Variants in PHIP observed in about 807,000 individuals in gnomAD.
PHIP encodes the protein PHIP subunit of CUL4-Ring ligase complex, also known as PH-interacting protein.
A neutral mutation model predicts 236.8 loss-of-function variants in PHIP; 54 were observed. That is an observed-to-expected ratio of 0.23 (90% CI 0.18 to 0.29). The LOEUF (loss-of-function observed/expected upper bound fraction) is 0.29. PHIP is among the 10% of genes least tolerant of loss of function. PHIP has a pLI of 1.00. For missense variants in PHIP, 1,370 were observed against 2,190.8 expected (o/e 0.63, Z 7.48); for synonymous variants, 756 against 718.9 (o/e 1.05, Z -0.83).
intron 38 of PHIP, 166 bp from the exon 39 acceptor site, chr6:78,945,663 G>C (rs1582081079): frequency 6.3e-6 from 4 of 634,536 alleles, no homozygotes; most frequent in East Asian, 2.8e-5. Flanking sequence ...TATCCAACTA[G>C]AAACTCTTAA....
rs144114413 is a variant in PHIP at position 79,076,695 on chromosome 6, C to T, written c.189+753G>A. Among the ~76,000 whole-genome samples, 844 of 152,244 alleles carry T rather than the reference C, an allele frequency of 5.5e-3. 6 individuals carry two copies. The highest frequency in any genetic ancestry group is 0.02 in the African/African-American group (820 of 41,540). ...GTAAATATGTGGACAAAAATCAAAA[C>T]TCTTCAGTGTACTCCAATAATAATT... On this transcript the variant is annotated intron_variant, in intron 4 of 39. Coordinates refer to ENST00000275034, the MANE Select transcript of PHIP (RefSeq NM_017934.7).
At chr6:79,008,090 A>G (rs1054953147) in intron 15 of PHIP, among the ~76,000 whole-genome samples, 10 of 151,658 alleles carry the variant, frequency 6.6e-5, no homozygotes, top group African/African-American at 2.4e-4. Context: ...CGGGAGGCGG[A>G]GGTTGCAGTG....
chr6:78,986,687 C>A (rs982670729), intron 21 of PHIP, among the ~76,000 whole-genome samples: 3 of 152,006 alleles, frequency 2.0e-5, no homozygotes, highest in Non-Finnish European at 4.4e-5. Context: ...GGGGTGGATT[C>A]TTTTAATATT....
intron 33 of PHIP, 58 bp downstream of exon 33, chr6:78,955,555 T>G: frequency 1.6e-6 from 1 of 638,446 alleles, no homozygotes; most frequent in Non-Finnish European, 2.8e-6. Flanking sequence ...AACTACAATA[T>G]GTAAATTTTT....
rs1890230 is a variant in PHIP at position 78,985,607 on chromosome 6, A to G, written c.2461-179T>C. ...TGTAATCCCAACACTTTGAGAGGTC[A>G]AGGTGGGCAGATCACTTAAGGTTAG... On this transcript the variant is annotated intron_variant, in intron 21 of 39. Coordinates refer to ENST00000275034, the MANE Select transcript of PHIP (RefSeq NM_017934.7). 0.93 allele frequency among the ~76,000 whole-genome samples: 140,912 copies of G among 152,250 alleles called. 65,312 individuals are homozygous for G. The highest frequency in any genetic ancestry group is 1 in the East Asian group (5,152 of 5,176).
At chr6:79,055,567 C>T (rs1327550827) in intron 6 of PHIP, among the ~76,000 whole-genome samples, 1 of 152,136 alleles carries the variant, frequency 6.6e-6, no homozygotes, top group Non-Finnish European at 1.5e-5. Flanking sequence ...CTAGTAATAA[C>T]AACAGATCAG....
intron 19 of PHIP, among the ~76,000 whole-genome samples, chr6:78,994,518 G>A (rs143175386): frequency 0.019 from 2,956 of 152,136 alleles, 88 homozygotes; most frequent in African/African-American, 0.067. Context: ...TGGATGTTGC[G>A]GTGAGCCGAG....
chr6:78,942,261 T>A lies in PHIP; in HGVS notation c.4829-931A>T, dbSNP rs1231979251. The stretch of plus-strand genomic sequence containing the variant: ...ACTCTGGGAGGCCAAAGTGGGCGGA[T>A]CACCTGAGGTCAGGAGTTCGAGACC... On this transcript the variant is annotated intron_variant, in intron 39 of 39. Transcript: ENST00000275034. 2.6e-5 allele frequency among the ~76,000 whole-genome samples: 4 copies of A among 152,190 alleles called. No individual in the cohort carries two copies. In the East Asian group the frequency reaches 5.8e-4, roughly 22 times the overall value.
chr6:78,997,294 AC>A (rs1047063893), intron 19 of PHIP, 119 bp downstream of exon 19: 6 of 717,762 alleles, frequency 8.4e-6, no homozygotes, highest in Non-Finnish European at 1.4e-5. Flanking sequence ...AATAGTTTAT[AC>A]TGCCCTTCCA....
chr6:78,952,447 A>AG (rs1162528362), intron 35 of PHIP, among the ~76,000 whole-genome samples: 1 of 151,174 alleles, frequency 6.6e-6, no homozygotes, highest in African/African-American at 2.4e-5. Flanking sequence ...AAAAGAAAAA[A>AG]AAAAAGGAAA....
chr6:78,941,358 A>G (rs1773492278), intron 39 of PHIP, 28 bp from the exon 40 acceptor site: 6 of 1,549,104 alleles, frequency 3.9e-6, no homozygotes, highest in African/African-American at 1.4e-5. Context: ...TACACTTAAT[A>G]TATGGAGTTT....
intron 32 of PHIP, 23 bp downstream of exon 32, chr6:78,958,452 T>C: frequency 7.6e-7 from 1 of 1,321,018 alleles, no homozygotes; most frequent in Non-Finnish European, 1.1e-6. Flanking sequence ...ACTATCATAA[T>C]TACATATGAA....
Position 79,001,957 on chromosome 6 carries a change from A to T in PHIP, c.1821T>A (p.Pro607=). 1 of 1,613,276 alleles carries T rather than the reference A, an allele frequency of 6.2e-7. No individual in the cohort carries two copies. The highest frequency in any genetic ancestry group is 1.6e-4 in the Middle Eastern group (1 of 6,062). The change falls in exon 17 of 40, where the codon CCT becomes CCA. Residue 607 remains proline, a synonymous_variant. Transcript: ENST00000275034. Reference sequence around the variant, plus strand: ...GCTCCTCCCTGCAATTTTCACGGCCAGGAACTAATCTTTGATATCTTGATG... The same window carrying T: ...GCTCCTCCCTGCAATTTTCACGGCCTGGAACTAATCTTTGATATCTTGATG... ...PHPSRYQRLV[P]GRENCREEQL... is the part of the protein sequence containing the mutation.
At chr6:79,048,315 A>G (rs974902461) in intron 6 of PHIP, among the ~76,000 whole-genome samples, 1 of 152,110 alleles carries the variant, frequency 6.6e-6, no homozygotes, top group African/African-American at 2.4e-5. Context: ...GATAAACATA[A>G]TAAAGTTACC....
chr6:79,030,715 T>C (rs181990525), intron 7 of PHIP, among the ~76,000 whole-genome samples: 36 of 152,256 alleles, frequency 2.4e-4, no homozygotes, highest in Admixed American at 2.0e-3. Context: ...GTTTATACCA[T>C]AGTAGTCAAA....
intron 24 of PHIP, among the ~76,000 whole-genome samples, chr6:78,971,487 T>G (rs897723257): frequency 1.3e-5 from 2 of 152,170 alleles, no homozygotes; most frequent in African/African-American, 4.8e-5. Flanking sequence ...ATCCCATACT[T>G]TCATTCTATT....
intron 9 of PHIP, 76 bp downstream of exon 9, chr6:79,025,443 T>C: frequency 1.2e-6 from 1 of 806,572 alleles, no homozygotes; most frequent in East Asian, 2.5e-5. Context: ...ATTCCTATTG[T>C]CGACTACTTT....
In PHIP at chr6:78,958,528, G is replaced by A; in HGVS notation, c.3729C>T (p.Ser1243=). The part of the protein sequence containing the change: ...HNTRTFNEPG[S]PIVKSAKFVT... ...CGAATTTAGCAGATTTCACAATAGG[G>A]CTTCCAGGCTCATTAAATGTTCGTG... The change falls in exon 32 of 40, where the codon AGC becomes AGT. Residue 1243 remains serine, a synonymous_variant. Transcript: ENST00000275034. 6.4e-7 allele frequency: 1 copy of A among 1,568,228 alleles called. No homozygotes were observed. The highest frequency in any genetic ancestry group is 8.8e-7 in the Non-Finnish European group (1 of 1,139,128).
intron 35 of PHIP, among the ~76,000 whole-genome samples, chr6:78,952,123 T>C (rs1340089008): frequency 6.6e-6 from 1 of 152,172 alleles, no homozygotes; most frequent in Non-Finnish European, 1.5e-5. Flanking sequence ...TTACCAATTC[T>C]AGAAAATTCT....
Sources: allele counts gnomAD v4.1 joint callset (sites outside exome capture counted in the v4.1 genomes callset), GRCh38; gene constraint gnomAD v4.1.1; transcripts MANE v1.5; gene names NCBI Gene and HGNC (gene_info 2026-07-23, HGNC 2026-07-21).